Variants in PML observed in about 807,000 individuals in gnomAD.
PML encodes protein PML.
In PML, 28 loss-of-function variants were observed where a neutral mutation model predicts 65.2. The observed-to-expected ratio is 0.43, with a 90% CI of 0.32 to 0.59. The LOEUF is 0.59. Ranked by LOEUF, PML falls within the 20% of genes least tolerant of loss-of-function variation. PML has a pLI of 0.08. For synonymous variants in PML, 500 were observed against 508.8 expected (o/e 0.98, Z 0.23); for missense variants, 1,021 against 1,203.4 (o/e 0.85, Z 2.24).
intron 1 of PML, 41 bp from the exon 2 acceptor site, chr15:73,997,963 T>G (rs1405996962): frequency 2.5e-5 from 40 of 1,576,744 alleles, no homozygotes; most frequent in Non-Finnish European, 3.0e-5. Flanking sequence ...TGGGGGCTTT[T>G]GGGACTTCTC....
intron 6 of PML, chr15:74,033,719 G>C: frequency 1.6e-6 from 1 of 617,518 alleles, no homozygotes; most frequent in Non-Finnish European, 2.9e-6. Context: ...TTTGTTGGCT[G>C]ATGCCTAGCA....
rs573612912 is a variant in PML, at chr15:74,044,482, T to C, written c.2123T>C (p.Leu708Pro). The C allele has an allele frequency of 2.5e-6, 4 of 1,614,036 alleles. No individual in the cohort carries two copies. The highest frequency in any genetic ancestry group is 2.2e-5 in the South Asian group (2 of 91,086). Residue 708 changes from leucine (L) to proline (P), a missense_variant, in exon 9 of 9, where the codon CTG (leucine) becomes CCG (proline). Leu to Pro is a moderately conservative substitution (Grantham distance 98). Coordinates refer to ENST00000268058, the MANE Select transcript of PML (RefSeq NM_033238.3). ...WEFQEAISGFLAALPLIRERV... is the reference protein window; with the variant it reads ...WEFQEAISGFPAALPLIRERV... ...TTCCAGGAGGCCATCTCGGGCTTCC[T>C]GGCTGCCCTGCCTCTCATCCGGGAG...
chr15:74,040,959 C>A (rs569507372), intron 7 of PML, among the ~76,000 whole-genome samples: 1 of 152,226 alleles, frequency 6.6e-6, no homozygotes, highest in African/African-American at 2.4e-5. Context: ...CCTGCTGTAA[C>A]GATGGGAGGG....
rs752181739 is a variant in PML at position 74,035,417 on chromosome 15, C to A, written c.1710+887C>A. 2 of 1,612,132 alleles carry A rather than the reference C, an allele frequency of 1.2e-6. No individual in the cohort carries two copies. Among genetic ancestry groups the A allele is most frequent in the East Asian group, 4.5e-5 (2 of 44,850 alleles). ...ATCACCAGGAGCGCCCTGCCGTCCACCGTGGGATCCGCTACCTGTTGTACA... is the reference window on the plus strand; with the variant it reads ...ATCACCAGGAGCGCCCTGCCGTCCAACGTGGGATCCGCTACCTGTTGTACA... On this transcript the variant is annotated intron_variant, in intron 7 of 8. Coordinates refer to ENST00000268058, the MANE Select transcript of PML (RefSeq NM_033238.3). This position sits in a 1 kb window ranked among gnomAD's most constrained non-coding sequence, Gnocchi z 4.1.
In PML at chr15:74,032,715, G is replaced by T. The variant is rs774767661; in HGVS notation, c.1398G>T (p.Glu466Asp). Residue 466 changes from glutamate to aspartate, a missense_variant and splice_region_variant, in exon 5 of 9, where the codon GAG becomes GAT. Coordinates refer to ENST00000268058, the MANE Select transcript of PML (RefSeq NM_033238.3). ...AFSIKGPSYGEDVSNTTTAQK... is the reference protein window; with the variant it reads ...AFSIKGPSYGDDVSNTTTAQK... ...CCATCAAAGGCCCTTCCTATGGAGA[G>T]GTAAGGTTCTCCCCAGCCCCAGCCT... The T allele has an allele frequency of 3.1e-6, 5 of 1,614,004 alleles. No homozygotes were observed. The highest frequency in any genetic ancestry group is 3.3e-5 in the Admixed American group (2 of 60,008).
chr15:74,033,895 A>AGGTAGTCAGTT (rs2071429439), intron 6 of PML: 2 of 411,632 alleles, frequency 4.9e-6, no homozygotes, highest in African/African-American at 4.0e-5. Context: ...ACTGCCAGGC[A>AGGTAGTCAGTT]GGTAGTCAGT....
chr15:74,005,626 C>G (rs943692418), intron 2 of PML, among the ~76,000 whole-genome samples: 1 of 151,096 alleles, frequency 6.6e-6, no homozygotes, highest in Non-Finnish European at 1.5e-5. Flanking sequence ...GAGCTTAATG[C>G]TCTCAGGATG....
intron 1 of PML, among the ~76,000 whole-genome samples, chr15:73,997,660 C>T (rs970514311): frequency 1.3e-5 from 2 of 152,118 alleles, no homozygotes. Context: ...TTTAATGAAC[C>T]CCCAAACTGT....
rs1018662548 is a variant in PML, at chr15:74,047,494, G to C, written c.*2486G>C. 1.3e-5 allele frequency: 3 copies of C among 223,308 alleles called. No individual in the cohort carries two copies. Among genetic ancestry groups the C allele is most frequent in the Non-Finnish European group, 1.8e-5 (2 of 111,884 alleles). 13.8% of individuals were successfully genotyped at this position (223,308 alleles called of 1,614,324 possible). On this transcript the variant is annotated 3_prime_UTR_variant, in exon 9 of 9. Transcript: ENST00000268058. Reference sequence around the variant, plus strand: ...AATATGTCACCTGTGCTTCATCTTTGGACTATATCTCAGGTGTTTACGTGT... The same window carrying C: ...AATATGTCACCTGTGCTTCATCTTTCGACTATATCTCAGGTGTTTACGTGT...
Position 74,032,568 on chromosome 15 carries a change from G to T in PML, c.1255-4G>T. 6.2e-7 allele frequency: 1 copy of T among 1,614,158 alleles called. No individual in the cohort carries two copies. Among genetic ancestry groups the T allele is most frequent in the South Asian group, 1.1e-5 (1 of 91,076 alleles). ...TTTCTGACTCAATTTTCCCAACTTT[G>T]CAGCCCGAGGAGGCAGAGAGAGTGA... is the stretch of plus-strand genomic sequence containing the variant. On this transcript the variant is annotated splice_polypyrimidine_tract_variant and splice_region_variant and intron_variant, in intron 4 of 8. Coordinates refer to ENST00000268058, the MANE Select transcript of PML (RefSeq NM_033238.3).
rs2071761080 is a variant in PML, at chr15:74,045,368, C to T, written c.*360C>T. 6 of 319,302 alleles carry T rather than the reference C, an allele frequency of 1.9e-5. No individual in the cohort carries two copies. Among genetic ancestry groups the T allele is most frequent in the South Asian group, 7.0e-5 (1 of 14,322 alleles). 19.8% of individuals were successfully genotyped at this position (319,302 alleles called of 1,614,324 possible). ...CACTACCTTGGGTGTCCTTACAGCT[C>T]TGCCCTGACCCCAGCCCCTGCCCCT... On this transcript the variant is annotated 3_prime_UTR_variant, in exon 9 of 9. Coordinates refer to ENST00000268058, the MANE Select transcript of PML (RefSeq NM_033238.3).
At position 74,035,245 on chromosome 15, in the gene PML, C is replaced by CCCACTCCTCGCCAGT. The variant is rs2071493336; in HGVS notation, c.1710+719_1710+733dup. ...TCCTCGCCAGCCCACTCCTCGCCAG[C>CCCACTCCTCGCCAGT]CCACTCCTCGCCAGTCCAGTCTCTG... On this transcript the variant is annotated intron_variant, in intron 7 of 8. Coordinates refer to ENST00000268058, the MANE Select transcript of PML (RefSeq NM_033238.3). The surrounding 1 kb of genome is among the most constrained non-coding windows in gnomAD (Gnocchi z 4.1). 1 of 1,606,392 alleles carries CCCACTCCTCGCCAGT rather than the reference C, an allele frequency of 6.2e-7. No individual in the cohort carries two copies. The highest frequency in any genetic ancestry group is 1.3e-5 in the African/African-American group (1 of 74,692).
chr15:74,012,262 G>A (rs1195726672), intron 2 of PML, among the ~76,000 whole-genome samples: 3 of 152,146 alleles, frequency 2.0e-5, no homozygotes, highest in Non-Finnish European at 2.9e-5. Context: ...TGCAACCTCC[G>A]CCTCCCGGGT....
At chr15:74,002,444 CTTTTTTTTTTTT>C (rs71137368) in intron 2 of PML, among the ~76,000 whole-genome samples, 2 of 104,762 alleles carry the variant, frequency 1.9e-5, no homozygotes, top group Non-Finnish European at 3.6e-5. Context: ...TCTTTCTTTT[CTTTTTTTTTTTT>C]TTTTTTTGAT....
Position 74,047,014 on chromosome 15 carries a change from C to T in PML, c.*2006C>T. ...AGTGGGGAGACCCAGGGTAGGCTTTCCTTTGGATCATCTCCAAATGGGAGT... is the reference window on the plus strand; with the variant it reads ...AGTGGGGAGACCCAGGGTAGGCTTTTCTTTGGATCATCTCCAAATGGGAGT... On this transcript the variant is annotated 3_prime_UTR_variant, in exon 9 of 9. Transcript: ENST00000268058. The T allele has an allele frequency of 4.4e-6, 1 of 229,754 alleles. No individual in the cohort carries two copies. Among genetic ancestry groups the T allele is most frequent in the East Asian group, 6.2e-5 (1 of 16,142 alleles). 14.2% of individuals were successfully genotyped at this position (229,754 alleles called of 1,614,324 possible).
chr15:74,031,768 G>A (rs2071334594), intron 4 of PML, among the ~76,000 whole-genome samples: 1 of 152,208 alleles, frequency 6.6e-6, no homozygotes, highest in African/African-American at 2.4e-5. Flanking sequence ...GGTACATGAA[G>A]CACTTAGCAC....
In PML at chr15:74,032,665, C is replaced by T. The variant is rs2071374877; in HGVS notation, c.1348C>T (p.His450Tyr). The stretch of plus-strand genomic sequence containing the variant: ...TGTGGTACAGTCAGTGCCCGGGGCA[C>T]ACCCCGTGCCAGTGTACGCCTTCTC... ...MAVVQSVPGA[H>Y]PVPVYAFSIK... The change falls in exon 5 of 9, where the codon CAC becomes TAC. Residue 450 changes from histidine to tyrosine, a missense_variant. Physicochemically the swap from His to Tyr is moderately conservative, Grantham distance 83 (BLOSUM62 2). Transcript: ENST00000268058. 6.2e-7 allele frequency: 1 copy of T among 1,614,104 alleles called. No individual in the cohort carries two copies. The highest frequency in any genetic ancestry group is 1.7e-5 in the Admixed American group (1 of 60,032).
Position 74,032,690 on chromosome 15 carries a change from C to T in PML, c.1373C>T (p.Ser458Phe), listed in dbSNP as rs143771296. ...CACCCCGTGCCAGTGTACGCCTTCTCCATCAAAGGCCCTTCCTATGGAGAG... is the reference window on the plus strand; with the variant it reads ...CACCCCGTGCCAGTGTACGCCTTCTTCATCAAAGGCCCTTCCTATGGAGAG... ...GAHPVPVYAFSIKGPSYGEDV... is the reference protein window; with the variant it reads ...GAHPVPVYAFFIKGPSYGEDV... Residue 458 changes from serine (S) to phenylalanine (F), a missense_variant, in exon 5 of 9, where the codon TCC becomes TTC. Ser to Phe is a radical substitution (Grantham distance 155). Transcript: ENST00000268058. The T allele has an allele frequency of 6.2e-7, 1 of 1,614,080 alleles. No individual in the cohort carries two copies. The highest frequency in any genetic ancestry group is 1.3e-5 in the African/African-American group (1 of 74,956).
chr15:74,044,326 A>C lies in PML; in HGVS notation c.1967A>C (p.Glu656Ala), dbSNP rs1304100114. 3.7e-6 allele frequency: 6 copies of C among 1,613,980 alleles called. No homozygotes were observed. The African/African-American group carries it at 8.0e-5, about 22-fold the overall frequency. ...ATCTACTCCAAGGCCGTGTCCCTGG[A>C]GGTGGGGCTGCAGCACTTCCTCAGC... is the stretch of plus-strand genomic sequence containing the variant. ...FSIYSKAVSLEVGLQHFLSFL... is the reference protein window; with the variant it reads ...FSIYSKAVSLAVGLQHFLSFL... Residue 656 changes from glutamate (E) to alanine (A), a missense_variant, in exon 9 of 9, where the codon GAG becomes GCG. Coordinates refer to ENST00000268058, the MANE Select transcript of PML (RefSeq NM_033238.3).
Sources: allele counts gnomAD v4.1 joint callset (sites outside exome capture counted in the v4.1 genomes callset), GRCh38; gene constraint gnomAD v4.1.1; non-coding constraint Gnocchi (gnomAD v3.1); transcripts MANE v1.5; gene names NCBI Gene and HGNC (gene_info 2026-07-23, HGNC 2026-07-21).